NANS: variants seen among roughly 807,000 people sequenced by gnomAD.
The protein encoded by NANS is N-acetylneuraminate-9-phosphate synthase.
In NANS, 29 loss-of-function variants were observed where a neutral mutation model predicts 33.3. The observed-to-expected ratio is 0.87, with a 90% CI of 0.65 to 1.19. NANS has a LOEUF of 1.19. Ranked by LOEUF, NANS falls within the 50% of genes most tolerant of loss-of-function variation. NANS has a pLI of 0.00. For missense variants in NANS, 394 were observed against 461.1 expected (o/e 0.85, Z 1.33); for synonymous variants, 163 against 177.2 (o/e 0.92, Z 0.64).
intron 2 of NANS, among the ~76,000 whole-genome samples, chr9:98,066,505 C>T (rs970226886): frequency 1.3e-5 from 2 of 152,146 alleles, no homozygotes; most frequent in Non-Finnish European, 2.9e-5. Context: ...GGGTACAATT[C>T]AGTGGTGTTT....
At chr9:98,069,198 T>C (rs1283462852) in intron 2 of NANS, 1 of 152,262 alleles carries the variant, frequency 6.6e-6, no homozygotes, top group Non-Finnish European at 1.5e-5. Flanking sequence ...AAATGTTCTT[T>C]AGTGGGTGAA....
At position 98,075,613 on chromosome 9, in the gene NANS, G is replaced by A. The variant is rs2117920882; in HGVS notation, c.349-1305G>A. The stretch of plus-strand genomic sequence containing the variant: ...GAAAGATTTGTGCCCATGTGATCAA[G>A]TGTGAGCAACTCACTAAGCCCTAAC... On this transcript the variant is annotated intron_variant, in intron 2 of 5. Coordinates refer to ENST00000210444, the MANE Select transcript of NANS (RefSeq NM_018946.4). 1.3e-5 allele frequency: 2 copies of A among 152,294 alleles called. 1 individual carries two copies. The highest frequency in any genetic ancestry group is 6.8e-3 in the Middle Eastern group (2 of 294). 9.4% of individuals were successfully genotyped at this position (152,294 alleles called of 1,614,324 possible). A position where few individuals can be genotyped will look rare whatever the true frequency, so the allele number is the denominator to read the frequency against.
chr9:98,061,969 C>T (rs1056201439), intron 2 of NANS, among the ~76,000 whole-genome samples: 1 of 151,808 alleles, frequency 6.6e-6, no homozygotes, highest in Non-Finnish European at 1.5e-5. Context: ...CACCTGTAAT[C>T]CCAGAGCTTT....
At chr9:98,078,836 GAAAAAAAAA>G (rs11424970) in intron 4 of NANS, among the ~76,000 whole-genome samples, 1 of 123,028 alleles carries the variant, frequency 8.1e-6, no homozygotes, top group African/African-American at 3.1e-5. Flanking sequence ...CTCTCAGGGG[GAAAAAAAAA>G]AAAAAAAAAG....
intron 2 of NANS, chr9:98,061,293 A>G: frequency 3.0e-6 from 1 of 332,022 alleles, no homozygotes; most frequent in Non-Finnish European, 5.8e-6. Flanking sequence ...CCTGGCCAAC[A>G]TGGTGAAACC....
intron 2 of NANS, among the ~76,000 whole-genome samples, chr9:98,072,274 G>A (rs1197651849): frequency 1.3e-5 from 2 of 152,206 alleles, no homozygotes; most frequent in African/African-American, 4.8e-5. Context: ...CCCAGCGATG[G>A]CTGTTCTGTG....
chr9:98,057,294 A>G (rs187221837), intron 1 of NANS, among the ~76,000 whole-genome samples: 51 of 152,270 alleles, frequency 3.3e-4, no homozygotes, highest in African/African-American at 1.1e-3. Context: ...ATAGCCTTCA[A>G]GATTTTAATG....
intron 1 of NANS, 34 bp downstream of exon 1, chr9:98,056,974 G>C (rs1321728247): frequency 1.3e-6 from 2 of 1,544,136 alleles, no homozygotes; most frequent in Non-Finnish European, 1.7e-6. Flanking sequence ...CGGGATTCGG[G>C]CGCCGGGAGG....
chr9:98,068,181 C>A (rs1273758023), intron 2 of NANS, among the ~76,000 whole-genome samples: 1 of 152,190 alleles, frequency 6.6e-6, no homozygotes, highest in African/African-American at 2.4e-5. Context: ...GTCACCCAGA[C>A]TGGAGTGCAG....
Position 98,058,362 on chromosome 9 carries a change from T to G in NANS, c.132+1422T>G, listed in dbSNP as rs573769269. ...GCTGTACATGCACCATCTCATTTAA[T>G]TTTTACAACAACCCAATGCCATGAT... is the stretch of plus-strand genomic sequence containing the variant. On this transcript the variant is annotated intron_variant, in intron 1 of 5. Coordinates refer to ENST00000210444, the MANE Select transcript of NANS (RefSeq NM_018946.4). Among the ~76,000 whole-genome samples the G allele has an allele frequency of 3.1e-4, 47 of 152,316 alleles. 1 individual carries two copies. Among genetic ancestry groups the G allele is most frequent in the African/African-American group, 1.1e-3 (46 of 41,562 alleles).
intron 4 of NANS, among the ~76,000 whole-genome samples, chr9:98,080,180 C>T (rs901389511): frequency 6.6e-6 from 1 of 152,168 alleles, no homozygotes; most frequent in African/African-American, 2.4e-5. Context: ...CGCCATTGCA[C>T]TCCAGCCTTG....
chr9:98,069,217 C>G (rs2131633144), intron 2 of NANS: 1 of 152,230 alleles, frequency 6.6e-6, no homozygotes, highest in African/African-American at 2.4e-5. Context: ...AATGGTGAAA[C>G]AAACTGTAGT....
In NANS at chr9:98,080,171, G is replaced by A. The variant is rs781581792; in HGVS notation, c.604-645G>A. Among the ~76,000 whole-genome samples, 14 of 152,316 alleles carry A rather than the reference G, an allele frequency of 9.2e-5. No individual in the cohort carries two copies. In the East Asian group the frequency reaches 1.7e-3, roughly 19 times the overall value. On this transcript the variant is annotated intron_variant, in intron 4 of 5. Coordinates refer to ENST00000210444, the MANE Select transcript of NANS (RefSeq NM_018946.4). Reference sequence around the variant, plus strand: ...AGAGGTTGCAGTGAGCTGAGATCACGCCATTGCACTCCAGCCTTGGTGACA... The same window carrying A: ...AGAGGTTGCAGTGAGCTGAGATCACACCATTGCACTCCAGCCTTGGTGACA...
chr9:98,061,443 C>G (rs1172495624), intron 2 of NANS, among the ~76,000 whole-genome samples: 1 of 145,160 alleles, frequency 6.9e-6, no homozygotes, highest in Non-Finnish European at 1.5e-5. Context: ...CACCACTGTG[C>G]TCCAGCCTGG....
chr9:98,082,822 A>G (rs1277859459), intron 5 of NANS, 24 bp from the exon 6 acceptor site: 3 of 1,610,932 alleles, frequency 1.9e-6, no homozygotes, highest in Admixed American at 1.7e-5. Context: ...TGAAGCTGGC[A>G]CTGAATGTTC....
chr9:98,065,078 G>A (rs1829096521), intron 2 of NANS, among the ~76,000 whole-genome samples: 1 of 152,184 alleles, frequency 6.6e-6, no homozygotes, highest in African/African-American at 2.4e-5. Context: ...GTTCAAACTG[G>A]TGACATAGCA....
chr9:98,077,977 G>C (rs578093088), intron 3 of NANS: 1 of 594,284 alleles, frequency 1.7e-6, no homozygotes, highest in African/African-American at 1.9e-5. Context: ...TTTTGCTCAA[G>C]AACACTGTCG....
chr9:98,057,007 C>G, intron 1 of NANS, 67 bp downstream of exon 1: 1 of 1,475,674 alleles, frequency 6.8e-7, no homozygotes, highest in Non-Finnish European at 9.0e-7. Flanking sequence ...CCGCGGGGAG[C>G]CAGGGCCACA....
chr9:98,067,380 G>A (rs1829179042), intron 2 of NANS, among the ~76,000 whole-genome samples: 1 of 152,168 alleles, frequency 6.6e-6, no homozygotes, highest in Admixed American at 6.6e-5. Context: ...GGGTTTGATG[G>A]TGCCAGTTGC....
Sources: gnomAD v4.1 joint callset for allele counts (sites outside exome capture counted in the v4.1 genomes callset) on GRCh38, gnomAD v4.1.1 for gene constraint, MANE v1.5 for transcripts, NCBI Gene and HGNC (gene_info 2026-07-23, HGNC 2026-07-21) for gene names.